The following GPR155 variants were observed in gnomAD, a reference collection of about 807,000 sequenced individuals.
GPR155 encodes the protein G protein-coupled receptor 155.
GPR155 carries 65 observed loss-of-function variants against 93.1 expected under a neutral mutation model. That is an observed-to-expected ratio of 0.70 (90% CI 0.57 to 0.86). The LOEUF is 0.86. Ranked by LOEUF, GPR155 falls within the 40% of genes least tolerant of loss-of-function variation. GPR155 has a pLI of 0.00. For missense variants in GPR155, 838 were observed against 1,034.8 expected, an observed-to-expected ratio of 0.81 and a Z score of 2.61; for synonymous variants, 319 against 360.1, an observed-to-expected ratio of 0.89 and a Z score of 1.29.
chr2:174,473,189 C>T lies in GPR155; in HGVS notation c.636G>A (p.Leu212=). 3 of 1,613,360 alleles carry T rather than the reference C, an allele frequency of 1.9e-6. No individual in the cohort carries two copies. The highest frequency in any genetic ancestry group is 2.5e-6 in the Non-Finnish European group (3 of 1,179,540). ...ATACTATTGGGTTCTGTAATACACG[C>T]AGGAGTCCGAGTCCCACAATTTTTA... ...NKIKIVGLGL[L]RVLQNPIVFM... is the part of the protein sequence containing the mutation. Residue 212 remains leucine, a synonymous_variant, in exon 3 of 16, where the codon CTG becomes CTA. Coordinates refer to ENST00000392552, the MANE Select transcript of GPR155 (RefSeq NM_152529.7).
chr2:174,459,793 T>G, intron 10 of GPR155, 85 bp downstream of exon 10: 5 of 968,340 alleles, frequency 5.2e-6, no homozygotes, highest in Non-Finnish European at 7.8e-6. Flanking sequence ...TGCAGTGAGC[T>G]GAGATCATGC....
intron 10 of GPR155, among the ~76,000 whole-genome samples, chr2:174,454,872 A>G (rs1259104573): frequency 2.0e-5 from 3 of 150,652 alleles, no homozygotes; most frequent in Admixed American, 2.0e-4. Flanking sequence ...AGGGAAAGGA[A>G]GGAAGAGAAG....
At chr2:174,448,032 C>T (rs1022393718) in intron 11 of GPR155, among the ~76,000 whole-genome samples, 27 of 152,010 alleles carry the variant, frequency 1.8e-4, no homozygotes, top group Non-Finnish European at 3.5e-4. Context: ...TGCCTTAACC[C>T]CTGCCTTTCA....
In GPR155 at chr2:174,483,003, A is replaced by C. The variant is rs1230522850; in HGVS notation, c.-31-1016T>G. On this transcript the variant is annotated intron_variant, in intron 1 of 15. Transcript: ENST00000392552. ...GAGAAAAAAATGACGACCTCCCACC[A>C]ATATACCTTTAGCTCCTTCTACACC... 2.0e-5 allele frequency: 3 copies of C among 152,258 alleles called. No individual in the cohort carries two copies. In the South Asian group the frequency reaches 6.2e-4, roughly 32 times the overall value. The allele number at this position is 152,258 out of a possible 1,614,324, so 9.4% of individuals were successfully genotyped here.
chr2:174,439,992 C>A lies in GPR155; in HGVS notation c.2218G>T (p.Asp740Tyr), dbSNP rs1355393822. ...WNNKDTAENR[D>Y]SPVSEEIKMT... ...TTTATTTCCTCTGAAACAGGAGAAT[C>A]CCTGTTTTCTGCTGTGTCTTTATTG... Residue 740 changes from aspartate to tyrosine, a missense_variant, in exon 15 of 16, where the codon GAT becomes TAT. Physicochemically the swap from Asp to Tyr is radical, Grantham distance 160. This residue lies in a region of GPR155 where 146 missense variants were observed against 177.5 expected (regional missense o/e 0.82). Transcript: ENST00000392552. 15 of 1,608,086 alleles carry A rather than the reference C, an allele frequency of 9.3e-6. No individual in the cohort carries two copies. The highest frequency in any genetic ancestry group is 1.3e-5 in the Non-Finnish European group (15 of 1,175,096).
At chr2:174,460,174 T>TG (rs1450779615) in intron 9 of GPR155, 86 bp from the exon 10 acceptor site, 1 of 983,568 alleles carries the variant, frequency 1.0e-6, no homozygotes, top group East Asian at 2.6e-5. Flanking sequence ...TTTTTTTTTT[T>TG]TTTTGAGATG....
intron 2 of GPR155, among the ~76,000 whole-genome samples, chr2:174,479,039 A>T (rs918646552): frequency 1.3e-5 from 2 of 152,240 alleles, no homozygotes; most frequent in Non-Finnish European, 2.9e-5. Context: ...TAATATTACA[A>T]GAGCTTTTGT....
intron 3 of GPR155, among the ~76,000 whole-genome samples, chr2:174,471,959 G>C (rs1225374003): frequency 6.6e-6 from 1 of 151,942 alleles, no homozygotes; most frequent in Non-Finnish European, 1.5e-5. Flanking sequence ...ATGTTGTACT[G>C]GTCTCATGAA....
intron 15 of GPR155, among the ~76,000 whole-genome samples, chr2:174,439,565 C>G (rs962042810): frequency 6.6e-6 from 1 of 152,130 alleles, no homozygotes; most frequent in African/African-American, 2.4e-5. Flanking sequence ...CAATGTATCT[C>G]AAAGTTTTGT....
chr2:174,460,090 T>C lies in GPR155; in HGVS notation c.1561-2A>G. 1 of 1,607,980 alleles carries C rather than the reference T, an allele frequency of 6.2e-7. No homozygotes were observed. ...CAGGGTGACTGCTGTGGTGATCATCTGCCGACATGAAAAAAAGATATCAGG... is the reference window on the plus strand; with the variant it reads ...CAGGGTGACTGCTGTGGTGATCATCCGCCGACATGAAAAAAAGATATCAGG... On this transcript the variant is annotated splice_acceptor_variant, in intron 9 of 15. Coordinates refer to ENST00000392552, the MANE Select transcript of GPR155 (RefSeq NM_152529.7). LOFTEE classifies it high-confidence loss of function.
intron 1 of GPR155, among the ~76,000 whole-genome samples, chr2:174,485,786 C>G (rs576333983): frequency 6.6e-6 from 1 of 151,376 alleles, no homozygotes; most frequent in Non-Finnish European, 1.5e-5. Flanking sequence ...TTAAAATGAA[C>G]AGGAACCACA....
intron 14 of GPR155, among the ~76,000 whole-genome samples, chr2:174,441,738 T>C (rs550964315): frequency 1.7e-3 from 259 of 151,732 alleles, no homozygotes; most frequent in Middle Eastern, 0.017. Flanking sequence ...TGTGTGTGTG[T>C]GTGTGTGTGT....
chr2:174,446,080 G>C lies in GPR155; in HGVS notation c.2013+531C>G, dbSNP rs552781140. Among the ~76,000 whole-genome samples, 278 of 151,976 alleles carry C rather than the reference G, an allele frequency of 1.8e-3. 1 individual carries two copies. The highest frequency in any genetic ancestry group is 3.3e-3 in the Non-Finnish European group (225 of 67,952). ...CCAGCACTTTGGGAGGCTAAGGAGG[G>C]TGGATCACCTGAGGTCAGGGGTTCA... On this transcript the variant is annotated intron_variant, in intron 12 of 15. Coordinates refer to ENST00000392552, the MANE Select transcript of GPR155 (RefSeq NM_152529.7).
chr2:174,440,107 C>T, intron 14 of GPR155, 72 bp from the exon 15 acceptor site: 1 of 1,302,652 alleles, frequency 7.7e-7, no homozygotes, highest in Admixed American at 2.3e-5. Context: ...GCCTTATCAC[C>T]CCATCAAAAT....
intron 1 of GPR155, among the ~76,000 whole-genome samples, chr2:174,485,034 A>G (rs1688434253): frequency 6.6e-6 from 1 of 152,244 alleles, no homozygotes; most frequent in South Asian, 2.1e-4. Context: ...TACTACTAAT[A>G]ATGATAAAAA....
chr2:174,433,626 T>TG lies in GPR155; in HGVS notation c.*2489dup, dbSNP rs1370780405. The TG allele has an allele frequency of 2.2e-5, 3 of 138,174 alleles. No individual in the cohort carries two copies. Among genetic ancestry groups the TG allele is most frequent in the Non-Finnish European group, 5.0e-5 (3 of 59,910 alleles). The allele number at this position is 138,174 out of a possible 1,614,324, so 8.6% of individuals were successfully genotyped here. A position where few individuals can be genotyped will look rare whatever the true frequency, so the allele number is the denominator to read the frequency against. ...TTGAGAGGTTATTAGATCATGAGGG[T>TG]GGAGCCTATTGAGTGGAATTAATGT... On this transcript the variant is annotated 3_prime_UTR_variant, in exon 16 of 16. Coordinates refer to ENST00000392552, the MANE Select transcript of GPR155 (RefSeq NM_152529.7).
At position 174,481,483 on chromosome 2, in the gene GPR155, A is replaced by T. The variant is rs752161658; in HGVS notation, c.460+14T>A. The T allele has an allele frequency of 7.0e-7, 1 of 1,436,958 alleles. No individual in the cohort carries two copies. Among genetic ancestry groups the T allele is most frequent in the East Asian group, 2.3e-5 (1 of 43,620 alleles). The allele number at this position is 1,436,958 out of a possible 1,614,324, so 89.0% of individuals were successfully genotyped here. ...TGAATTTTTTAAACACTTGAAAAAT[A>T]AAAATTAACTTACCTATAGGGTATC... On this transcript the variant is annotated intron_variant, in intron 2 of 15. Transcript: ENST00000392552.
chr2:174,477,667 C>A (rs1688206474), intron 2 of GPR155, among the ~76,000 whole-genome samples: 1 of 151,928 alleles, frequency 6.6e-6, no homozygotes, highest in South Asian at 2.1e-4. Context: ...TGCTATCAAT[C>A]TGAAGATGGT....
intron 1 of GPR155, among the ~76,000 whole-genome samples, chr2:174,485,323 G>A (rs1047688001): frequency 6.6e-6 from 1 of 152,100 alleles, no homozygotes; most frequent in Non-Finnish European, 1.5e-5. Flanking sequence ...AGGGCCGGGC[G>A]CAGTGGCTCA....
Sources: allele counts gnomAD v4.1 joint callset (sites outside exome capture counted in the v4.1 genomes callset), GRCh38; gene constraint gnomAD v4.1.1; regional missense constraint gnomAD v4.1.1; transcripts MANE v1.5; gene names NCBI Gene and HGNC (gene_info 2026-07-23, HGNC 2026-07-21).